TUSC3: variants seen among roughly 807,000 people sequenced by gnomAD.
The protein encoded by TUSC3 is dolichyl-diphosphooligosaccharide--protein glycosyltransferase subunit TUSC3.
TUSC3 carries 45 observed loss-of-function variants against 44.8 expected under a neutral mutation model. The observed-to-expected ratio is 1.00, with a 90% CI of 0.79 to 1.29. The LOEUF is 1.29. Among genes scored for constraint, TUSC3 ranks in the 50% most tolerant of loss-of-function variants. TUSC3 has a pLI of 0.00. For synonymous variants in TUSC3, 212 were observed against 152.9 expected (o/e 1.39, Z -2.85); for missense variants, 519 against 437.9 (o/e 1.19, Z -1.65).
the TUSC3 span, chr8:15,807,026 C>T: frequency 2.8e-6 from 4 of 1,431,316 alleles, no homozygotes; most frequent in Non-Finnish European, 3.0e-6. Flanking sequence ...CCTGCAGACC[C>T]TGTAAATCCT....
chr8:15,639,782 G>GTC (rs1554465882), intron 2 of TUSC3, among the ~76,000 whole-genome samples: 13 of 140,832 alleles, frequency 9.2e-5, no homozygotes, highest in African/African-American at 2.6e-4. Context: ...CATAAGAGTC[G>GTC]TTTTTTTTTT....
chr8:15,454,809 A>G (rs1585051751), intron 1 of TUSC3, among the ~76,000 whole-genome samples: 1 of 152,342 alleles, frequency 6.6e-6, no homozygotes, highest in South Asian at 2.1e-4. Flanking sequence ...GATTTAATCA[A>G]TGATTTATAT....
chr8:15,465,163 A>C (rs561153305), intron 1 of TUSC3, among the ~76,000 whole-genome samples: 3 of 152,180 alleles, frequency 2.0e-5, no homozygotes, highest in African/African-American at 4.8e-5. Context: ...TTCTAATACA[A>C]ATGTCTGCTT....
intron 10 of TUSC3, among the ~76,000 whole-genome samples, chr8:15,761,174 T>C (rs1812154613): frequency 1.3e-5 from 2 of 152,180 alleles, no homozygotes; most frequent in South Asian, 2.1e-4. Context: ...CTTTTGAATT[T>C]CAAGTAATAA....
intron 1 of TUSC3, 99 bp downstream of exon 1, chr8:15,540,667 CCGGCGTGGGCGATGCCGG>C: frequency 7.1e-7 from 1 of 1,414,408 alleles, no homozygotes; most frequent in Admixed American, 2.8e-5. Flanking sequence ...AGCCTGGTCG[CCGGCGTGGGCGATGCCGG>C]CGCTGGGGCG....
intron 6 of TUSC3, among the ~76,000 whole-genome samples, chr8:15,726,498 C>G (rs1222731123): frequency 6.6e-6 from 1 of 151,970 alleles, no homozygotes; most frequent in African/African-American, 2.4e-5. Context: ...TATGTTGGTT[C>G]ATATGCTCTA....
At chr8:15,530,694 T>A (rs1455929315) in intron 2 of TUSC3, among the ~76,000 whole-genome samples, 2 of 152,228 alleles carry the variant, frequency 1.3e-5, no homozygotes, top group East Asian at 3.8e-4. Context: ...ACAAACATAT[T>A]TTCAATGTAA....
At chr8:15,760,493 T>C (rs1171564350) in intron 10 of TUSC3, among the ~76,000 whole-genome samples, 1 of 152,132 alleles carries the variant, frequency 6.6e-6, no homozygotes, top group Non-Finnish European at 1.5e-5. Flanking sequence ...GTACACCCTG[T>C]GGTTTAATAC....
chr8:15,712,845 C>T (rs1380463515), intron 6 of TUSC3, among the ~76,000 whole-genome samples: 1 of 152,096 alleles, frequency 6.6e-6, no homozygotes, highest in East Asian at 1.9e-4. Flanking sequence ...AACTAAACTA[C>T]TACAAGAGTT....
intron 1 of TUSC3, among the ~76,000 whole-genome samples, chr8:15,457,258 T>G (rs982980293): frequency 2.6e-5 from 4 of 151,900 alleles, no homozygotes; most frequent in East Asian, 1.9e-4. Flanking sequence ...ATGGCACGTG[T>G]ATACATATGT....
At chr8:15,820,926 A>C in the TUSC3 span, among the ~76,000 whole-genome samples, 1 of 152,178 alleles carries the variant, frequency 6.6e-6, no homozygotes, top group Non-Finnish European at 1.5e-5. Context: ...ATGTAAGTAT[A>C]ATATAAAGAG....
chr8:15,776,055 C>G, the TUSC3 span, among the ~76,000 whole-genome samples: 1 of 151,990 alleles, frequency 6.6e-6, no homozygotes, highest in Admixed American at 6.6e-5. Flanking sequence ...TCACTATTCT[C>G]CAAATACAGA....
chr8:15,623,473 A>G (rs1416393284), intron 2 of TUSC3, among the ~76,000 whole-genome samples: 2 of 152,124 alleles, frequency 1.3e-5, no homozygotes, highest in African/African-American at 4.8e-5. Flanking sequence ...TGCACATATA[A>G]TCATAAAACC....
chr8:15,622,429 A>C (rs1230677175), intron 1 of TUSC3, among the ~76,000 whole-genome samples: 1 of 151,686 alleles, frequency 6.6e-6, no homozygotes, highest in African/African-American at 2.4e-5. Context: ...CACCATTCCC[A>C]GCCTATAAGA....
chr8:15,638,759 C>T (rs1035776082), intron 2 of TUSC3, among the ~76,000 whole-genome samples: 1 of 152,168 alleles, frequency 6.6e-6, no homozygotes, highest in African/African-American at 2.4e-5. Context: ...CTCCCAACCT[C>T]AAGTGATCCA....
intron 1 of TUSC3, among the ~76,000 whole-genome samples, chr8:15,559,398 T>A (rs1342401294): frequency 6.7e-6 from 1 of 148,806 alleles, no homozygotes; most frequent in East Asian, 2.0e-4. Flanking sequence ...TCTTTTACAT[T>A]TGCTGAGGAG....
the TUSC3 span, among the ~76,000 whole-genome samples, chr8:15,801,515 A>G: frequency 5.3e-4 from 80 of 152,266 alleles, no homozygotes; most frequent in Admixed American, 2.0e-3. Flanking sequence ...GAGAAAAAAA[A>G]AGAGAGAAAT....
the TUSC3 span, among the ~76,000 whole-genome samples, chr8:15,829,105 T>A: frequency 8.9e-3 from 1,360 of 152,306 alleles, 34 homozygotes; most frequent in African/African-American, 0.032. Flanking sequence ...TCTTTTTTCA[T>A]ATTTTATTAT....
chr8:15,684,895 G>C (rs76868348), intron 6 of TUSC3, among the ~76,000 whole-genome samples: 3,346 of 152,256 alleles, frequency 0.022, 116 homozygotes, highest in African/African-American at 0.076. Context: ...AATGGAGGCT[G>C]TGCTGTGGGC....
Sources: allele counts gnomAD v4.1 joint callset (sites outside exome capture counted in the v4.1 genomes callset), GRCh38; gene constraint gnomAD v4.1.1; transcripts MANE v1.5; gene names NCBI Gene and HGNC (gene_info 2026-07-23, HGNC 2026-07-21).